Variants in PAG1 observed in about 807,000 individuals in gnomAD.
PAG1 encodes the protein phosphoprotein membrane anchor with glycosphingolipid microdomains 1, also known as phosphoprotein associated with glycosphingolipid-enriched microdomains 1.
PAG1 carries 23 observed loss-of-function variants against 31.7 expected under a neutral mutation model. The ratio of observed to expected loss-of-function variants is 0.73; its 90% CI spans 0.52 to 1.03. The LOEUF (loss-of-function observed/expected upper bound fraction) is 1.03, where lower values mean the gene tolerates loss of function less well. PAG1 is among the 50% of genes least tolerant of loss of function. The probability of loss-of-function intolerance (pLI) is 0.00; values close to 1 mark genes in which losing one functional copy is unlikely to be tolerated. For missense variants in PAG1, 473 were observed against 540.7 expected, an observed-to-expected ratio of 0.87 and a Z score of 1.24; for synonymous variants, 214 against 210.3, an observed-to-expected ratio of 1.02 and a Z score of -0.15.
intron 1 of PAG1, among the ~76,000 whole-genome samples, chr8:81,086,075 G>A (rs1177013457): frequency 4.0e-5 from 5 of 125,250 alleles, no homozygotes; most frequent in Admixed American, 2.0e-4. Context: ...TCCGCCTCCC[G>A]GGTTCACGCC....
chr8:81,057,383 T>C (rs983339830), intron 2 of PAG1, among the ~76,000 whole-genome samples: 1 of 152,002 alleles, frequency 6.6e-6, no homozygotes, highest in Non-Finnish European at 1.5e-5. Context: ...CGGAATACTA[T>C]GCAGCCATAA....
At chr8:81,093,870 A>T (rs1809486008) in intron 1 of PAG1, among the ~76,000 whole-genome samples, 1 of 152,216 alleles carries the variant, frequency 6.6e-6, no homozygotes, top group Non-Finnish European at 1.5e-5. Context: ...TGTGGTCTGT[A>T]AACCAAACGG....
At chr8:81,032,190 A>G (rs1808387793) in intron 2 of PAG1, among the ~76,000 whole-genome samples, 1 of 152,246 alleles carries the variant, frequency 6.6e-6, no homozygotes, top group South Asian at 2.1e-4. Context: ...AGCACAAGCC[A>G]ACTAGAGAAA....
rs192005896 is a variant in PAG1 at position 81,062,960 on chromosome 8, G to A, written c.-175+7152C>T. Among the ~76,000 whole-genome samples, 982 of 152,220 alleles carry A rather than the reference G, an allele frequency of 6.5e-3. 5 individuals carry two copies. The highest frequency in any genetic ancestry group is 0.011 in the Non-Finnish European group (734 of 68,016). The stretch of plus-strand genomic sequence containing the variant: ...GTTTGGCAAAGTGCTATGCCACACA[G>A]CATTTTATTTATTTTAAAAATCCAC... On this transcript the variant is annotated intron_variant, in intron 2 of 8. Transcript: ENST00000220597.
At chr8:80,991,390 G>T in intron 5 of PAG1, 89 bp downstream of exon 5, 1 of 1,023,282 alleles carries the variant, frequency 9.8e-7, no homozygotes, top group Non-Finnish European at 1.6e-6. Context: ...TTCTACTCAG[G>T]CTGTGAGCAC....
In PAG1 at chr8:81,051,518, TAA is replaced by T. The variant is rs1808728026; in HGVS notation, c.-175+18592_-175+18593del. Among the ~76,000 whole-genome samples the T allele has an allele frequency of 2.0e-5, 3 of 152,328 alleles. No homozygotes were observed. In the South Asian group the frequency reaches 6.2e-4, roughly 32 times the overall value. ...AAAACATCAGAAGAGACCTAATTTATAAAAAGACTTCATTCCAAAAATTCAGT... is the reference window on the plus strand; with the variant it reads ...AAAACATCAGAAGAGACCTAATTTATAAAGACTTCATTCCAAAAATTCAGT... On this transcript the variant is annotated intron_variant, in intron 2 of 8. Transcript: ENST00000220597.
chr8:81,106,710 T>C (rs548389524), intron 1 of PAG1, among the ~76,000 whole-genome samples: 3 of 152,092 alleles, frequency 2.0e-5, no homozygotes, highest in South Asian at 4.2e-4. Flanking sequence ...CGAGAAAAAA[T>C]AGAGGGGGCA....
intron 7 of PAG1, 57 bp downstream of exon 7, chr8:80,984,719 T>C: frequency 6.5e-7 from 1 of 1,533,378 alleles, no homozygotes; most frequent in Non-Finnish European, 8.9e-7. Flanking sequence ...CAGGGCCAGC[T>C]AGATTCCTAA....
chr8:81,052,420 A>AGTATTTTAGCTTACCT, intron 2 of PAG1, among the ~76,000 whole-genome samples: 1 of 152,172 alleles, frequency 6.6e-6, no homozygotes. Flanking sequence ...GCATTGAGAC[A>AGTATTTTAGCTTACCT]TCCTTAACTA....
At chr8:81,110,019 T>G (rs185310562) in intron 1 of PAG1, among the ~76,000 whole-genome samples, 3 of 152,348 alleles carry the variant, frequency 2.0e-5, no homozygotes, top group Non-Finnish European at 4.4e-5. Context: ...TTTCAACTTC[T>G]GAAATAACAT....
chr8:81,097,541 G>C (rs1809546678), intron 1 of PAG1, among the ~76,000 whole-genome samples: 1 of 152,098 alleles, frequency 6.6e-6, no homozygotes, highest in Non-Finnish European at 1.5e-5. Context: ...GTTATTGGCA[G>C]AGGCTGGAGG....
At chr8:81,002,392 C>A (rs75776511) in intron 3 of PAG1, among the ~76,000 whole-genome samples, 1 of 152,210 alleles carries the variant, frequency 6.6e-6, no homozygotes, top group Non-Finnish European at 1.5e-5. Flanking sequence ...ACTACAAATG[C>A]CCCCTTTCGG....
chr8:81,095,826 G>C (rs1809520567), intron 1 of PAG1, among the ~76,000 whole-genome samples: 1 of 152,198 alleles, frequency 6.6e-6, no homozygotes, highest in Non-Finnish European at 1.5e-5. Context: ...ATATGTGTAA[G>C]GCTGATAAAT....
intron 1 of PAG1, among the ~76,000 whole-genome samples, chr8:81,102,788 G>A (rs967608253): frequency 1.3e-5 from 2 of 152,052 alleles, no homozygotes; most frequent in African/African-American, 2.4e-5. Context: ...ATTGCTTACC[G>A]AAGACAAATG....
At position 81,011,685 on chromosome 8, in the gene PAG1, T is replaced by C. The variant is rs529660490; in HGVS notation, c.-81+18311A>G. Among the ~76,000 whole-genome samples the C allele has an allele frequency of 2.0e-5, 3 of 152,348 alleles. No individual in the cohort carries two copies. The East Asian group carries it at 5.8e-4, about 29-fold the overall frequency. ...TATTCTTTAAGGTTGTAACTACTGA[T>C]GGCTAATAGATAATGAATGTGTACA... is the stretch of plus-strand genomic sequence containing the variant. On this transcript the variant is annotated intron_variant, in intron 3 of 8. Transcript: ENST00000220597.
At chr8:81,109,594 C>A (rs1809743440) in intron 1 of PAG1, among the ~76,000 whole-genome samples, 1 of 152,220 alleles carries the variant, frequency 6.6e-6, no homozygotes. Flanking sequence ...TAATATTCAT[C>A]AGCAGCAATT....
Position 81,025,608 on chromosome 8 carries a change from G to T in PAG1, c.-81+4388C>A, listed in dbSNP as rs116457002. Among the ~76,000 whole-genome samples, 707 of 152,256 alleles carry T rather than the reference G, an allele frequency of 4.6e-3. 6 individuals are homozygous for T. The highest frequency in any genetic ancestry group is 0.016 in the African/African-American group (681 of 41,544). On this transcript the variant is annotated intron_variant, in intron 3 of 8. Coordinates refer to ENST00000220597, the MANE Select transcript of PAG1 (RefSeq NM_018440.4). Reference sequence around the variant, plus strand: ...GGCCATGGTATGTCAAAGGGCCCAGGACCCACCAGTGAAGAAGCTGTAAAG... The same window carrying T: ...GGCCATGGTATGTCAAAGGGCCCAGTACCCACCAGTGAAGAAGCTGTAAAG...
chr8:81,089,731 T>C (rs922037030), intron 1 of PAG1, among the ~76,000 whole-genome samples: 34 of 152,296 alleles, frequency 2.2e-4, no homozygotes, highest in African/African-American at 7.9e-4. Flanking sequence ...AGCTTTATCT[T>C]CTACAGCTAC....
chr8:81,063,852 A>C (rs890171184), intron 2 of PAG1, among the ~76,000 whole-genome samples: 2 of 152,186 alleles, frequency 1.3e-5, no homozygotes, highest in African/African-American at 4.8e-5. Flanking sequence ...CCCAGACCCA[A>C]GGATTATATA....
Sources: allele counts gnomAD v4.1 joint callset (sites outside exome capture counted in the v4.1 genomes callset), GRCh38; gene constraint gnomAD v4.1.1; transcripts MANE v1.5; gene names NCBI Gene and HGNC (gene_info 2026-07-23, HGNC 2026-07-21).